CTNNA2: variants seen among roughly 807,000 people sequenced by gnomAD.
CTNNA2 encodes catenin alpha 2.
A neutral mutation model predicts 101.0 loss-of-function variants in CTNNA2; 42 were observed. That is an observed-to-expected ratio of 0.42 (90% CI 0.32 to 0.54). The LOEUF is 0.54. CTNNA2 is among the 20% of genes least tolerant of loss of function. CTNNA2 has a pLI of 0.14. For synonymous variants in CTNNA2, 450 were observed against 456.4 expected (o/e 0.99, Z 0.18); for missense variants, 871 against 1,223.1 (o/e 0.71, Z 4.29).
At chr2:80,120,505 A>C (rs1701772702) in intron 7 of CTNNA2, among the ~76,000 whole-genome samples, 3 of 152,170 alleles carry the variant, frequency 2.0e-5, no homozygotes, top group African/African-American at 4.8e-5. Flanking sequence ...TTTTTGTTCC[A>C]AGGTTAAGAG....
At chr2:80,265,897 T>C (rs781254838) in intron 7 of CTNNA2, among the ~76,000 whole-genome samples, 6 of 152,188 alleles carry the variant, frequency 3.9e-5, no homozygotes, top group Non-Finnish European at 8.8e-5. Flanking sequence ...TCTGATTAAG[T>C]AGTTCTAGAA....
chr2:80,137,488 G>T (rs73940961), intron 7 of CTNNA2, among the ~76,000 whole-genome samples: 4,623 of 152,156 alleles, frequency 0.03, 229 homozygotes, highest in African/African-American at 0.1. Flanking sequence ...AAATCTCCTT[G>T]AATTCCTGGG....
intron 3 of CTNNA2, among the ~76,000 whole-genome samples, chr2:79,335,258 A>G (rs1377980012): frequency 1.3e-5 from 2 of 152,120 alleles, no homozygotes; most frequent in Non-Finnish European, 2.9e-5. Context: ...CTATATGCAT[A>G]AGTTCATGAA....
At chr2:80,084,023 C>T (rs1280481223) in intron 7 of CTNNA2, among the ~76,000 whole-genome samples, 3 of 151,998 alleles carry the variant, frequency 2.0e-5, no homozygotes, top group Non-Finnish European at 4.4e-5. Flanking sequence ...TCACCCACTG[C>T]CTTCCTCTGC....
intron 1 of CTNNA2, among the ~76,000 whole-genome samples, chr2:79,560,195 A>C (rs1160092919): frequency 6.6e-6 from 1 of 151,892 alleles, no homozygotes; most frequent in Non-Finnish European, 1.5e-5. Context: ...TAGTATCAAA[A>C]CTTGGGAAAA....
chr2:79,189,879 T>C (rs1304166774), intron 1 of CTNNA2, among the ~76,000 whole-genome samples: 1 of 152,164 alleles, frequency 6.6e-6, no homozygotes. Context: ...AGAAATATTT[T>C]ACAATAAAGA....
intron 2 of CTNNA2, among the ~76,000 whole-genome samples, chr2:79,255,806 T>A (rs545942671): frequency 7.2e-5 from 11 of 152,324 alleles, no homozygotes; most frequent in African/African-American, 2.2e-4. Flanking sequence ...TGACAATTGA[T>A]AACGTTCACA....
intron 18 of CTNNA2, among the ~76,000 whole-genome samples, chr2:80,641,007 AT>A (rs1026927288): frequency 9.2e-5 from 14 of 152,186 alleles, no homozygotes; most frequent in Admixed American, 7.2e-4. Flanking sequence ...TGCTATTCCC[AT>A]TTTAAAATAT....
chr2:79,948,586 CA>C (rs1290760114), intron 7 of CTNNA2, among the ~76,000 whole-genome samples: 3 of 152,162 alleles, frequency 2.0e-5, no homozygotes, highest in African/African-American at 7.2e-5. Flanking sequence ...TAAGCTCTGA[CA>C]ATTAGTTAGA....
intron 8 of CTNNA2, among the ~76,000 whole-genome samples, chr2:80,418,666 G>GA (rs1173915821): frequency 6.6e-6 from 1 of 152,152 alleles, no homozygotes; most frequent in African/African-American, 2.4e-5. Context: ...AAAACATGCA[G>GA]AGTGTTTATC....
At chr2:80,330,461 C>T (rs901022596) in intron 7 of CTNNA2, among the ~76,000 whole-genome samples, 1 of 151,756 alleles carries the variant, frequency 6.6e-6, no homozygotes, top group Admixed American at 6.6e-5. Flanking sequence ...TCTTTCTGAC[C>T]CCAAAGTCAT....
intron 7 of CTNNA2, among the ~76,000 whole-genome samples, chr2:79,913,512 G>C (rs754275217): frequency 2.1e-4 from 32 of 152,290 alleles, no homozygotes; most frequent in Non-Finnish European, 3.5e-4. Flanking sequence ...CCATTGCACA[G>C]TAGTGAGTGA....
intron 7 of CTNNA2, among the ~76,000 whole-genome samples, chr2:80,094,686 C>T (rs1418444365): frequency 6.6e-6 from 1 of 152,104 alleles, no homozygotes; most frequent in Non-Finnish European, 1.5e-5. Context: ...TTTCATTGAG[C>T]AGTGGTTTGT....
At chr2:80,122,592 C>G (rs546138734) in intron 7 of CTNNA2, among the ~76,000 whole-genome samples, 41 of 152,196 alleles carry the variant, frequency 2.7e-4, no homozygotes, top group African/African-American at 9.6e-4. Flanking sequence ...ATGCATTACT[C>G]TGTGGAAATT....
chr2:79,912,467 T>G (rs75896867), intron 7 of CTNNA2, among the ~76,000 whole-genome samples: 2,655 of 152,348 alleles, frequency 0.017, 87 homozygotes, highest in African/African-American at 0.061. Context: ...AACGTGGGTG[T>G]GCAACTTGAA....
chr2:80,317,536 A>C (rs1203122056), intron 7 of CTNNA2, among the ~76,000 whole-genome samples: 1 of 152,154 alleles, frequency 6.6e-6, no homozygotes, highest in Non-Finnish European at 1.5e-5. Flanking sequence ...TTAACTCTGT[A>C]AAAGCCAAAC....
At chr2:79,539,818 C>T (rs72921190) in intron 1 of CTNNA2, among the ~76,000 whole-genome samples, 3,390 of 152,200 alleles carry the variant, frequency 0.022, 136 homozygotes, top group African/African-American at 0.078. Flanking sequence ...GGGGGCTGTG[C>T]ATTTCTAGCT....
intron 1 of CTNNA2, among the ~76,000 whole-genome samples, chr2:79,608,513 C>T (rs1228890003): frequency 2.0e-5 from 3 of 151,888 alleles, no homozygotes; most frequent in Non-Finnish European, 4.4e-5. Context: ...AATGCTAAAC[C>T]AAGTGTACCA....
At chr2:79,552,013 A>G (rs1196826090) in intron 1 of CTNNA2, among the ~76,000 whole-genome samples, 3 of 152,100 alleles carry the variant, frequency 2.0e-5, no homozygotes, top group Non-Finnish European at 4.4e-5. Context: ...TTCTTCTCAC[A>G]TTTCATTCCC....
Sources: allele counts gnomAD v4.1 joint callset (sites outside exome capture counted in the v4.1 genomes callset), GRCh38; gene constraint gnomAD v4.1.1; transcripts MANE v1.5; gene names NCBI Gene and HGNC (gene_info 2026-07-23, HGNC 2026-07-21).